The following CDH18 variants were observed in gnomAD, a reference collection of about 807,000 sequenced individuals.
The protein encoded by CDH18 is cadherin 18.
Under a neutral mutation model 67.9 loss-of-function variants are expected in CDH18, and 31 were observed. The ratio of observed to expected loss-of-function variants is 0.46; its 90% confidence interval spans 0.34 to 0.62. The LOEUF is 0.62. CDH18 is among the 20% of genes least tolerant of loss of function. CDH18 has a pLI of 0.01. For missense variants in CDH18, 890 were observed against 975.5 expected, an observed-to-expected ratio of 0.91 and a Z score of 1.17; for synonymous variants, 362 against 347.2, an observed-to-expected ratio of 1.04 and a Z score of -0.48.
At chr5:19,742,961 T>G (rs1308233511) in intron 4 of CDH18, among the ~76,000 whole-genome samples, 1 of 152,224 alleles carries the variant, frequency 6.6e-6, no homozygotes, top group Admixed American at 6.5e-5. Context: ...ATAAAAATGA[T>G]TTTTATTACA....
At chr5:20,463,393 T>C (rs1751410155) in intron 1 of CDH18, among the ~76,000 whole-genome samples, 1 of 152,070 alleles carries the variant, frequency 6.6e-6, no homozygotes, top group Non-Finnish European at 1.5e-5. Context: ...CACTGCTATG[T>C]AGAAATACCC....
At chr5:20,568,062 GC>G (rs1408026630) in intron 1 of CDH18, among the ~76,000 whole-genome samples, 1 of 152,128 alleles carries the variant, frequency 6.6e-6, no homozygotes, top group East Asian at 1.9e-4. Flanking sequence ...ATTCTTCTAA[GC>G]TTTTTACCTC....
chr5:20,557,929 AATGTTATAGTTATATAACATTT>A (rs1757998708), intron 1 of CDH18, among the ~76,000 whole-genome samples: 2 of 49,260 alleles, frequency 4.1e-5, no homozygotes, highest in Admixed American at 2.6e-4. Context: ...TATAACATTT[AATGTTATAGTTATATAACATTT>A]AATGTTATAG....
At chr5:20,042,883 A>G (rs1740562994) in intron 2 of CDH18, among the ~76,000 whole-genome samples, 1 of 151,674 alleles carries the variant, frequency 6.6e-6, no homozygotes, top group South Asian at 2.1e-4. Flanking sequence ...AATGGCGTGA[A>G]CCCGGGAGGC....
chr5:19,544,031 C>G, intron 8 of CDH18, 26 bp from the exon 9 acceptor site: 2 of 1,388,696 alleles, frequency 1.4e-6, no homozygotes, highest in Non-Finnish European at 2.0e-6. Context: ...GAAGTTTTTA[C>G]TTGATGTTAT....
In CDH18 at chr5:19,746,799, A is replaced by G; in HGVS notation, c.523+143T>C. On this transcript the variant is annotated intron_variant, in intron 4 of 12. Coordinates refer to ENST00000382275, the MANE Select transcript of CDH18 (RefSeq NM_004934.5). Reference sequence around the variant, plus strand: ...CCAATAGTCTTTAACACTTTATGCCACAAAAAATACTAAAATATTTTGAAA... The same window carrying G: ...CCAATAGTCTTTAACACTTTATGCCGCAAAAAATACTAAAATATTTTGAAA... The G allele has an allele frequency of 5.8e-6, 4 of 691,642 alleles. No homozygotes were observed. In the South Asian group the frequency reaches 8.1e-5, roughly 14 times the overall value. 42.8% of individuals were successfully genotyped at this position (691,642 alleles called of 1,614,324 possible).
At chr5:19,598,771 G>T (rs1247759750) in intron 6 of CDH18, among the ~76,000 whole-genome samples, 1 of 152,028 alleles carries the variant, frequency 6.6e-6, no homozygotes, top group African/African-American at 2.4e-5. Context: ...TGTAGCAAAG[G>T]ACATCCCACA....
At position 20,444,779 on chromosome 5, in the gene CDH18, C is replaced by CT. The variant is rs60852616; in HGVS notation, c.-580+130682dup. 2.8e-3 allele frequency among the ~76,000 whole-genome samples: 404 copies of CT among 141,828 alleles called. 4 individuals carry two copies. The highest frequency in any genetic ancestry group is 0.011 in the Middle Eastern group (3 of 268). 93.0% of individuals were successfully genotyped at this position (141,828 alleles called of 152,430 possible). ...TGTAATGTTTTAAGCTTTTTTCTTT[C>CT]TTTTTTTTTTTTTTCTGGCCATCAC... On this transcript the variant is annotated intron_variant, in intron 1 of 14. Transcript: ENST00000507958.
chr5:19,987,476 A>C (rs2150378335), intron 1 of CDH18, among the ~76,000 whole-genome samples: 1 of 152,250 alleles, frequency 6.6e-6, no homozygotes, highest in South Asian at 2.1e-4. Context: ...GTGCCCTTTA[A>C]AAGAAGCAAA....
intron 5 of CDH18, among the ~76,000 whole-genome samples, chr5:19,619,045 T>C (rs1186288265): frequency 6.6e-6 from 1 of 152,102 alleles, no homozygotes; most frequent in African/African-American, 2.4e-5. Flanking sequence ...ATATGCTATA[T>C]ATATTACACA....
chr5:20,240,308 C>CA (rs1453746070), intron 2 of CDH18, among the ~76,000 whole-genome samples: 3 of 151,812 alleles, frequency 2.0e-5, no homozygotes, highest in Non-Finnish European at 4.4e-5. Flanking sequence ...CTGATTTGAT[C>CA]AAAAAATCAA....
chr5:19,590,420 A>G (rs1744908110), intron 7 of CDH18, among the ~76,000 whole-genome samples: 1 of 152,104 alleles, frequency 6.6e-6, no homozygotes, highest in Admixed American at 6.6e-5. Context: ...TACTAGAAGA[A>G]GAATTAATGA....
intron 12 of CDH18, 55 bp from the exon 13 acceptor site, chr5:19,473,771 A>G: frequency 1.4e-6 from 2 of 1,420,604 alleles, no homozygotes; most frequent in East Asian, 2.3e-5. Context: ...GGAAATTCTT[A>G]GAGATTTTAC....
chr5:20,306,075 C>A (rs547937987), intron 1 of CDH18, among the ~76,000 whole-genome samples: 19 of 152,242 alleles, frequency 1.2e-4, no homozygotes, highest in African/African-American at 4.6e-4. Context: ...GCGATCAGAA[C>A]TTTTGAAGAC....
intron 2 of CDH18, among the ~76,000 whole-genome samples, chr5:19,896,928 A>C (rs142264066): frequency 6.6e-6 from 1 of 152,290 alleles, no homozygotes; most frequent in African/African-American, 2.4e-5. Context: ...GTGAATCTAT[A>C]CTTATCTCAA....
intron 5 of CDH18, among the ~76,000 whole-genome samples, chr5:19,695,399 A>T (rs949222402): frequency 7.9e-5 from 12 of 152,298 alleles, no homozygotes; most frequent in African/African-American, 2.9e-4. Context: ...AATATTAAGT[A>T]TCAACTTGCT....
chr5:20,374,927 C>T (rs1172830960), intron 1 of CDH18, among the ~76,000 whole-genome samples: 1 of 152,002 alleles, frequency 6.6e-6, no homozygotes. Flanking sequence ...CTATTGATAA[C>T]CCTAGTAACA....
chr5:20,005,928 T>C (rs1470998181), intron 2 of CDH18, among the ~76,000 whole-genome samples: 3 of 151,990 alleles, frequency 2.0e-5, no homozygotes, highest in African/African-American at 7.2e-5. Flanking sequence ...CATTTGGAGA[T>C]TGTCCTTTGA....
chr5:19,717,109 G>A (rs1765433051), intron 5 of CDH18, among the ~76,000 whole-genome samples: 1 of 151,874 alleles, frequency 6.6e-6, no homozygotes, highest in Non-Finnish European at 1.5e-5. Context: ...CAATTGTAAG[G>A]GAGGTTTAAC....
Sources: gnomAD v4.1 joint callset for allele counts (sites outside exome capture counted in the v4.1 genomes callset) on GRCh38, gnomAD v4.1.1 for gene constraint, MANE v1.5 for transcripts, NCBI Gene and HGNC (gene_info 2026-07-23, HGNC 2026-07-21) for gene names.